The following FAM171A1 variants were observed in gnomAD, a reference collection of about 807,000 sequenced individuals.
FAM171A1 encodes protein FAM171A1.
In FAM171A1, 23 loss-of-function variants were observed where a neutral mutation model predicts 74.9. That is an observed-to-expected ratio of 0.31 (90% CI 0.22 to 0.44). The LOEUF is 0.44. Among genes scored for constraint, FAM171A1 ranks in the 20% least tolerant of loss-of-function variants. The pLI, the probability that FAM171A1 is intolerant of heterozygous loss-of-function variation, is 1.00. For missense variants in FAM171A1, 1,162 were observed against 1,159.2 expected (o/e 1.00, Z -0.03); for synonymous variants, 527 against 505.7 (o/e 1.04, Z -0.57).
intron 4 of FAM171A1, 47 bp downstream of exon 4, chr10:15,254,674 A>T (rs1288724175): frequency 2.5e-6 from 4 of 1,595,484 alleles, no homozygotes; most frequent in Admixed American, 1.7e-5. Context: ...ACATGTAAAG[A>T]CTAAAACACA....
At chr10:15,317,672 C>T (rs1201840534) in intron 1 of FAM171A1, among the ~76,000 whole-genome samples, 1 of 152,234 alleles carries the variant, frequency 6.6e-6, no homozygotes, top group Non-Finnish European at 1.5e-5. Flanking sequence ...GGATTACAGG[C>T]GTGAGCCACC....
intron 5 of FAM171A1, among the ~76,000 whole-genome samples, chr10:15,239,648 G>A (rs1834339147): frequency 6.6e-6 from 1 of 152,052 alleles, no homozygotes; most frequent in South Asian, 2.1e-4. Flanking sequence ...CTTGACACCC[G>A]GGACACAGAG....
At chr10:15,350,225 G>T (rs1835861894) in intron 1 of FAM171A1, among the ~76,000 whole-genome samples, 1 of 152,146 alleles carries the variant, frequency 6.6e-6, no homozygotes. Context: ...AGACATCTTA[G>T]TTGTGGCTGA....
At chr10:15,232,047 C>T (rs543577454) in intron 5 of FAM171A1, among the ~76,000 whole-genome samples, 1 of 152,320 alleles carries the variant, frequency 6.6e-6, no homozygotes, top group East Asian at 1.9e-4. Flanking sequence ...GAGCCACGGT[C>T]ATGCCACTAC....
chr10:15,294,339 A>G (rs1835136243), intron 1 of FAM171A1, among the ~76,000 whole-genome samples: 3 of 152,056 alleles, frequency 2.0e-5, no homozygotes, highest in Non-Finnish European at 4.4e-5. Flanking sequence ...CTCAGTACCC[A>G]CCATGGGCTC....
chr10:15,287,390 C>CTT (rs201908913), intron 1 of FAM171A1, among the ~76,000 whole-genome samples: 1 of 140,758 alleles, frequency 7.1e-6, no homozygotes, highest in Admixed American at 7.3e-5. Flanking sequence ...CCGCGCCGGC[C>CTT]TCTTTTTTTT....
chr10:15,271,177 G>C (rs988386911), intron 3 of FAM171A1, among the ~76,000 whole-genome samples: 5 of 152,158 alleles, frequency 3.3e-5, no homozygotes, highest in African/African-American at 9.7e-5. Flanking sequence ...AAACAGCGTA[G>C]AGAAGACCTT....
intron 1 of FAM171A1, among the ~76,000 whole-genome samples, chr10:15,307,134 C>T (rs543868965): frequency 2.6e-5 from 4 of 152,270 alleles, no homozygotes; most frequent in South Asian, 2.1e-4. Flanking sequence ...TCAGCCCACC[C>T]GCAAGAGGGC....
At chr10:15,272,588 C>T (rs1417853748) in intron 3 of FAM171A1, among the ~76,000 whole-genome samples, 2 of 152,242 alleles carry the variant, frequency 1.3e-5, no homozygotes, top group African/African-American at 4.8e-5. Context: ...ACAGAATATA[C>T]ATTCTTCTCA....
intron 1 of FAM171A1, among the ~76,000 whole-genome samples, chr10:15,301,362 A>ATATATT (rs575709720): frequency 4.2e-5 from 6 of 141,562 alleles, no homozygotes; most frequent in East Asian, 4.1e-4. Flanking sequence ...ATATATATAT[A>ATATATT]TTTTTTTTTT....
intron 5 of FAM171A1, chr10:15,240,662 A>G: frequency 1.0e-6 from 1 of 964,664 alleles, no homozygotes; most frequent in Non-Finnish European, 1.2e-6. Flanking sequence ...CTCTCCTAAG[A>G]GTAAACTTTC....
chr10:15,283,699 C>G (rs186562056), intron 2 of FAM171A1, among the ~76,000 whole-genome samples, 179 bp downstream of exon 2: 2 of 152,226 alleles, frequency 1.3e-5, no homozygotes, highest in South Asian at 2.1e-4. Context: ...ATCCTCCCAC[C>G]TCAACCTCTT....
upstream of FAM171A1, among the ~76,000 whole-genome samples, chr10:15,373,719 C>T (rs1836174954): frequency 1.3e-5 from 2 of 152,038 alleles, no homozygotes; most frequent in South Asian, 2.1e-4. Flanking sequence ...ATAATTATTT[C>T]AGATGGAAAT....
At chr10:15,235,973 T>C (rs1354862951) in intron 5 of FAM171A1, among the ~76,000 whole-genome samples, 1 of 152,116 alleles carries the variant, frequency 6.6e-6, no homozygotes, top group African/African-American at 2.4e-5. Context: ...AGCCAGGAGA[T>C]AGGAGTGAGC....
chr10:15,274,941 T>C (rs1302235957), intron 3 of FAM171A1, among the ~76,000 whole-genome samples: 2 of 152,228 alleles, frequency 1.3e-5, no homozygotes, highest in African/African-American at 4.8e-5. Flanking sequence ...GATGAGTTCA[T>C]GTCCTTTGTA....
chr10:15,339,248 C>G (rs1013442104), intron 1 of FAM171A1, among the ~76,000 whole-genome samples: 3 of 152,190 alleles, frequency 2.0e-5, no homozygotes, highest in Non-Finnish European at 2.9e-5. Flanking sequence ...ATATTAGTTG[C>G]AATTAGTGAA....
chr10:15,286,329 G>A (rs1448512166), intron 1 of FAM171A1, among the ~76,000 whole-genome samples: 1 of 152,190 alleles, frequency 6.6e-6, no homozygotes, highest in African/African-American at 2.4e-5. Context: ...CACCCAGGGT[G>A]GAGTGCAATG....
At chr10:15,367,507 T>C (rs1164180101) in intron 1 of FAM171A1, among the ~76,000 whole-genome samples, 1 of 152,188 alleles carries the variant, frequency 6.6e-6, no homozygotes, top group Non-Finnish European at 1.5e-5. Flanking sequence ...TTTCCCAGGA[T>C]GTGAGCCCAT....
intron 1 of FAM171A1, among the ~76,000 whole-genome samples, chr10:15,318,095 C>G (rs558705677): frequency 6.6e-6 from 1 of 152,204 alleles, no homozygotes; most frequent in Non-Finnish European, 1.5e-5. Context: ...CACCTGGCCT[C>G]ACACTCAGTT....
Sources: gnomAD v4.1 joint callset for allele counts (sites outside exome capture counted in the v4.1 genomes callset) on GRCh38, gnomAD v4.1.1 for gene constraint, MANE v1.5 for transcripts, NCBI Gene and HGNC (gene_info 2026-07-23, HGNC 2026-07-21) for gene names.